The following RIMS2 variants were observed in gnomAD, a reference collection of about 807,000 sequenced individuals.
The protein encoded by RIMS2 is regulating synaptic membrane exocytosis 2.
Under a neutral mutation model 174.4 loss-of-function variants are expected in RIMS2, and 59 were observed. The ratio of observed to expected loss-of-function variants is 0.34; its 90% CI spans 0.27 to 0.42. The LOEUF is 0.42. Among genes scored for constraint, RIMS2 ranks in the 10% least tolerant of loss-of-function variants. The pLI is 1.00. For synonymous variants in RIMS2, 606 were observed against 572.5 expected (o/e 1.06, Z -0.84); for missense variants, 1,620 against 1,666.3 (o/e 0.97, Z 0.48).
At chr8:103,984,735 G>T (rs961636310) in intron 16 of RIMS2, among the ~76,000 whole-genome samples, 1 of 152,152 alleles carries the variant, frequency 6.6e-6, no homozygotes, top group Non-Finnish European at 1.5e-5. Flanking sequence ...TATATCAAAG[G>T]CATATTTGCC....
At chr8:104,121,927 C>T (rs56255304) in intron 19 of RIMS2, among the ~76,000 whole-genome samples, 1 of 152,264 alleles carries the variant, frequency 6.6e-6, no homozygotes, top group Admixed American at 6.5e-5. Context: ...CGCCATTGCA[C>T]TCCAGCCTGG....
At chr8:104,012,000 A>G (rs2095777431) in intron 17 of RIMS2, among the ~76,000 whole-genome samples, 1 of 151,984 alleles carries the variant, frequency 6.6e-6, no homozygotes, top group South Asian at 2.1e-4. Context: ...GACAGCTGTG[A>G]TATTTACACT....
At chr8:103,523,796 G>A (rs1477718336) in intron 1 of RIMS2, among the ~76,000 whole-genome samples, 2 of 151,906 alleles carry the variant, frequency 1.3e-5, no homozygotes, top group East Asian at 3.9e-4. Context: ...AGATGAGTTA[G>A]GCTATCTTGA....
chr8:103,834,175 A>AT (rs2098843276), intron 3 of RIMS2, among the ~76,000 whole-genome samples: 1 of 151,956 alleles, frequency 6.6e-6, no homozygotes, highest in Non-Finnish European at 1.5e-5. Context: ...TTTTTAAAAA[A>AT]TTTTTTGTAG....
At chr8:104,213,902 A>G (rs1214330003) in intron 19 of RIMS2, among the ~76,000 whole-genome samples, 1 of 151,682 alleles carries the variant, frequency 6.6e-6, no homozygotes, top group Non-Finnish European at 1.5e-5. Flanking sequence ...AAGAAGAAGA[A>G]GAAGAAGAAG....
At chr8:103,612,975 A>G (rs1665565307) in intron 1 of RIMS2, among the ~76,000 whole-genome samples, 1 of 152,156 alleles carries the variant, frequency 6.6e-6, no homozygotes, top group South Asian at 2.1e-4. Flanking sequence ...TCTTGTGGCT[A>G]CGACCACTGA....
chr8:103,835,905 CTA>C (rs1182439473), intron 3 of RIMS2, among the ~76,000 whole-genome samples: 2 of 152,174 alleles, frequency 1.3e-5, no homozygotes, highest in African/African-American at 2.4e-5. Context: ...ATTCTAATGA[CTA>C]TTGGTAATGA....
chr8:103,571,300 A>G (rs983381460), intron 1 of RIMS2, among the ~76,000 whole-genome samples: 3 of 152,220 alleles, frequency 2.0e-5, no homozygotes, highest in African/African-American at 7.2e-5. Flanking sequence ...TACAACATTC[A>G]TAATAGTCTG....
intron 1 of RIMS2, among the ~76,000 whole-genome samples, chr8:103,630,580 CAA>C (rs61194218): frequency 0.16 from 13,908 of 86,894 alleles, 736 homozygotes; most frequent in African/African-American, 0.22. Flanking sequence ...AACTCCATCT[CAA>C]AAAAAAAAAA....
At chr8:103,860,454 A>G (rs548120633) in intron 3 of RIMS2, among the ~76,000 whole-genome samples, 1 of 152,296 alleles carries the variant, frequency 6.6e-6, no homozygotes, top group African/African-American at 2.4e-5. Context: ...GTACATATTC[A>G]GTACATACTA....
intron 3 of RIMS2, among the ~76,000 whole-genome samples, chr8:103,834,598 A>G (rs2098847074): frequency 6.7e-6 from 1 of 149,262 alleles, no homozygotes; most frequent in African/African-American, 2.5e-5. Flanking sequence ...TTTTTTTGTC[A>G]TATCTCCCTC....
intron 10 of RIMS2, among the ~76,000 whole-genome samples, chr8:103,927,474 G>A (rs777657238): frequency 4.0e-5 from 6 of 151,316 alleles, no homozygotes; most frequent in Admixed American, 6.6e-5. Context: ...TATTTTTTAT[G>A]TAGTGTGTTT....
At position 104,244,908 on chromosome 8, in the gene RIMS2, C is replaced by G. The variant is rs1398394258; in HGVS notation, c.3335-8C>G. 6.2e-7 allele frequency: 1 copy of G among 1,610,872 alleles called. No homozygotes were observed. The highest frequency in any genetic ancestry group is 1.1e-5 in the South Asian group (1 of 90,748). ...AAGCTGTTACACTTTTTGTTTCTAT[C>G]TCTGCAGAAGCAGGAGGTAAAAAAC... On this transcript the variant is annotated splice_polypyrimidine_tract_variant and splice_region_variant and intron_variant, in intron 19 of 23. Coordinates refer to ENST00000504942, the Ensembl canonical transcript of RIMS2.
At chr8:103,851,681 ACACAC>A (rs1475382783) in intron 3 of RIMS2, among the ~76,000 whole-genome samples, 1 of 151,270 alleles carries the variant, frequency 6.6e-6, no homozygotes, top group African/African-American at 2.4e-5. Context: ...ACACACACAC[ACACAC>A]ACACACAGGC....
At chr8:103,987,304 A>G (rs1286903038) in intron 16 of RIMS2, among the ~76,000 whole-genome samples, 2 of 152,150 alleles carry the variant, frequency 1.3e-5, no homozygotes, top group Non-Finnish European at 2.9e-5. Flanking sequence ...TTACAAACGT[A>G]TGTAAAAAAT....
intron 19 of RIMS2, among the ~76,000 whole-genome samples, chr8:104,232,230 AAAG>A (rs749166521): frequency 1.3e-5 from 2 of 152,254 alleles, no homozygotes; most frequent in Non-Finnish European, 2.9e-5. Flanking sequence ...TGTGGAATGA[AAAG>A]AAGCTATTAG....
intron 2 of RIMS2, among the ~76,000 whole-genome samples, chr8:103,708,622 A>C (rs1359018983): frequency 6.6e-6 from 1 of 152,120 alleles, no homozygotes; most frequent in Non-Finnish European, 1.5e-5. Flanking sequence ...TCTCTCTTTC[A>C]ATATTTTAAA....
chr8:103,541,060 AGAG>A (rs2131260321), intron 1 of RIMS2, among the ~76,000 whole-genome samples: 1 of 152,334 alleles, frequency 6.6e-6, no homozygotes, highest in Non-Finnish European at 1.5e-5. Context: ...TTTGAGGAGA[AGAG>A]AGAAAGGGGC....
intron 19 of RIMS2, among the ~76,000 whole-genome samples, chr8:104,133,423 C>A (rs1489968050): frequency 3.3e-5 from 5 of 151,974 alleles, no homozygotes; most frequent in African/African-American, 1.2e-4. Flanking sequence ...GTTATAGGCA[C>A]AAGAAAGAGA....
Sources: gnomAD v4.1 joint callset for allele counts (sites outside exome capture counted in the v4.1 genomes callset) on GRCh38, gnomAD v4.1.1 for gene constraint, MANE v1.5 for transcripts, NCBI Gene and HGNC (gene_info 2026-07-23, HGNC 2026-07-21) for gene names.